Variants in PIP5K1B observed in about 807,000 individuals in gnomAD.
The protein encoded by PIP5K1B is phosphatidylinositol-4-phosphate 5-kinase type 1 beta.
In PIP5K1B, 42 loss-of-function variants were observed where a neutral mutation model predicts 67.0. The observed-to-expected ratio is 0.63, with a 90% confidence interval of 0.49 to 0.81. PIP5K1B has a LOEUF of 0.81. Among genes scored for constraint, PIP5K1B ranks in the 30% least tolerant of loss-of-function variants. The probability of loss-of-function intolerance (pLI) is 0.00; values close to 1 mark genes in which losing one functional copy is unlikely to be tolerated. For missense variants in PIP5K1B, 459 were observed against 646.3 expected, an observed-to-expected ratio of 0.71 and a Z score of 3.14; for synonymous variants, 214 against 231.4, an observed-to-expected ratio of 0.92 and a Z score of 0.68.
At chr9:68,878,571 T>A (rs1166861568) in intron 6 of PIP5K1B, among the ~76,000 whole-genome samples, 3 of 152,220 alleles carry the variant, frequency 2.0e-5, no homozygotes, top group Non-Finnish European at 2.9e-5. Flanking sequence ...GGTAAATTAA[T>A]CAATCAGTGG....
Position 68,837,312 on chromosome 9 carries a change from G to A in PIP5K1B, c.69+14629G>A, listed in dbSNP as rs115022364. 1.9e-3 allele frequency among the ~76,000 whole-genome samples: 291 copies of A among 152,250 alleles called. 1 individual carries two copies. Among genetic ancestry groups the A allele is most frequent in the African/African-American group, 6.0e-3 (250 of 41,550 alleles). Reference sequence around the variant, plus strand: ...TAAAAATGGTTATCCCATCTTAGACGTCCCCCCGCTAATTAGGGGAGCCCT... The same window carrying A: ...TAAAAATGGTTATCCCATCTTAGACATCCCCCCGCTAATTAGGGGAGCCCT... On this transcript the variant is annotated intron_variant, in intron 4 of 15. Coordinates refer to ENST00000265382, the MANE Select transcript of PIP5K1B (RefSeq NM_003558.4).
chr9:68,920,873 A>T (rs574881284), intron 11 of PIP5K1B, among the ~76,000 whole-genome samples: 1 of 152,078 alleles, frequency 6.6e-6, no homozygotes, highest in South Asian at 2.1e-4. Context: ...CCTGCTACTA[A>T]CAACATTTAT....
chr9:68,897,142 G>A (rs999946307), intron 8 of PIP5K1B, among the ~76,000 whole-genome samples: 11 of 152,200 alleles, frequency 7.2e-5, no homozygotes, highest in African/African-American at 2.7e-4. Flanking sequence ...AGTCTGAGCT[G>A]AGGCCAGCAC....
intron 2 of PIP5K1B, among the ~76,000 whole-genome samples, chr9:68,816,868 A>G (rs952323465): frequency 6.6e-6 from 1 of 152,224 alleles, no homozygotes; most frequent in African/African-American, 2.4e-5. Context: ...TTCATAATCC[A>G]TCTTCCAAAA....
intron 6 of PIP5K1B, among the ~76,000 whole-genome samples, chr9:68,887,493 A>G (rs1014293378): frequency 6.6e-6 from 1 of 152,224 alleles, no homozygotes; most frequent in Non-Finnish European, 1.5e-5. Context: ...TGGGTCATTC[A>G]TGGCCTTGGA....
At position 68,705,615 on chromosome 9, in the gene PIP5K1B, C is replaced by CCGG. The variant is rs1827086194; in HGVS notation, c.-389_-388insGGC. 1 of 145,328 alleles carries CCGG rather than the reference C, an allele frequency of 6.9e-6. No individual in the cohort carries two copies. The highest frequency in any genetic ancestry group is 1.5e-5 in the Non-Finnish European group (1 of 64,886). The allele number at this position is 145,328 out of a possible 1,614,324, so 9.0% of individuals were successfully genotyped here. A position where few individuals can be genotyped will look rare whatever the true frequency, so the allele number is the denominator to read the frequency against. Reference sequence around the variant, plus strand: ...CCGGCCCCGGCCCCGCCCGCCGCCCCCTCCGCCCTCCCGCCCCTCCCGCCC... The same window carrying CCGG: ...CCGGCCCCGGCCCCGCCCGCCGCCCCCGGCTCCGCCCTCCCGCCCCTCCCGCCC... On this transcript the variant is annotated 5_prime_UTR_variant, in exon 1 of 16. Coordinates refer to ENST00000265382, the MANE Select transcript of PIP5K1B (RefSeq NM_003558.4).
At position 68,824,144 on chromosome 9, in the gene PIP5K1B, A is replaced by G. The variant is rs765567730; in HGVS notation, c.69+1461A>G. 9.6e-6 allele frequency: 5 copies of G among 519,022 alleles called. No homozygotes were observed. The East Asian group carries it at 1.6e-4, about 17-fold the overall frequency. The allele number at this position is 519,022 out of a possible 1,614,324, so 32.2% of individuals were successfully genotyped here. ...GTCTCGTTTACCCAAGATTCCGTGT[A>G]CATTCATTCAAGCATGGACCAACAC... On this transcript the variant is annotated intron_variant, in intron 4 of 15. Transcript: ENST00000265382.
chr9:68,917,368 C>A (rs943309517), intron 8 of PIP5K1B, among the ~76,000 whole-genome samples, 180 bp from the exon 9 acceptor site: 1 of 152,178 alleles, frequency 6.6e-6, no homozygotes, highest in Non-Finnish European at 1.5e-5. Flanking sequence ...GATAATCCTT[C>A]CTGCATGTGG....
intron 15 of PIP5K1B, among the ~76,000 whole-genome samples, chr9:69,003,490 A>C (rs2133037459): frequency 6.9e-6 from 1 of 144,256 alleles, no homozygotes; most frequent in African/African-American, 2.6e-5. Context: ...GGGGGGGGAT[A>C]TCACCCCAAG....
intron 2 of PIP5K1B, among the ~76,000 whole-genome samples, chr9:68,795,175 G>A (rs1832221054): frequency 2.0e-5 from 3 of 152,100 alleles, no homozygotes; most frequent in Non-Finnish European, 2.9e-5. Context: ...GAGCGTGTGT[G>A]TGTGTGTGTT....
intron 4 of PIP5K1B, among the ~76,000 whole-genome samples, chr9:68,840,048 C>T (rs955557707): frequency 6.6e-6 from 1 of 152,180 alleles, no homozygotes; most frequent in Non-Finnish European, 1.5e-5. Flanking sequence ...TGAAAATGTT[C>T]GGGTGCCTCA....
chr9:68,928,141 A>G (rs934358465), intron 12 of PIP5K1B, among the ~76,000 whole-genome samples: 1 of 152,044 alleles, frequency 6.6e-6, no homozygotes, highest in Non-Finnish European at 1.5e-5. Context: ...TGACTCTCAC[A>G]TCTGTTCTAT....
At chr9:68,953,949 G>C (rs1051654722) in intron 14 of PIP5K1B, among the ~76,000 whole-genome samples, 2 of 151,878 alleles carry the variant, frequency 1.3e-5, no homozygotes, top group African/African-American at 4.8e-5. Context: ...AGGCCTGGCT[G>C]TCAGCCTTCT....
intron 14 of PIP5K1B, among the ~76,000 whole-genome samples, chr9:68,961,252 A>G (rs964075899): frequency 6.6e-5 from 10 of 151,578 alleles, no homozygotes; most frequent in African/African-American, 2.4e-4. Context: ...CCACAAATCT[A>G]TCAAGACAGA....
At chr9:68,857,158 C>G (rs919975823) in intron 4 of PIP5K1B, among the ~76,000 whole-genome samples, 2 of 152,176 alleles carry the variant, frequency 1.3e-5, no homozygotes, top group Non-Finnish European at 2.9e-5. Flanking sequence ...TCTGAAGGAA[C>G]GCAGCCTTGT....
chr9:68,714,004 G>T lies in PIP5K1B; in HGVS notation c.-243+8242G>T, dbSNP rs187005586. ...GGATGGCACAAAGGTTCTAGCCCTG[G>T]CTTTTCTGACTATGAAGCCCATACT... On this transcript the variant is annotated intron_variant, in intron 1 of 15. Coordinates refer to ENST00000265382, the MANE Select transcript of PIP5K1B (RefSeq NM_003558.4). 3.4e-3 allele frequency among the ~76,000 whole-genome samples: 525 copies of T among 152,314 alleles called. 3 individuals are homozygous for T. The highest frequency in any genetic ancestry group is 6.2e-3 in the Non-Finnish European group (424 of 68,030).
At chr9:68,857,744 G>T (rs1822850932) in intron 4 of PIP5K1B, among the ~76,000 whole-genome samples, 1 of 152,186 alleles carries the variant, frequency 6.6e-6, no homozygotes, top group Non-Finnish European at 1.5e-5. Flanking sequence ...GCATACACCT[G>T]AAGTCACAGC....
rs753783031 is a variant in PIP5K1B at position 68,991,396 on chromosome 9, A to G, written c.1620+139A>G. On this transcript the variant is annotated intron_variant, in intron 15 of 15. Coordinates refer to ENST00000265382, the MANE Select transcript of PIP5K1B (RefSeq NM_003558.4). The stretch of plus-strand genomic sequence containing the variant: ...ATGATGGCGCCCTTTCACTTCTGCA[A>G]ATGGTGCTTCTTTTCACAAGCAATG... The G allele has an allele frequency of 8.2e-6, 5 of 610,428 alleles. No individual in the cohort carries two copies. The Admixed American group carries it at 1.4e-4, about 18-fold the overall frequency. The allele number at this position is 610,428 out of a possible 1,614,324, so 37.8% of individuals were successfully genotyped here. A position where few individuals can be genotyped will look rare whatever the true frequency, so the allele number is the denominator to read the frequency against.
At chr9:68,769,961 G>A (rs1830602242) in intron 2 of PIP5K1B, among the ~76,000 whole-genome samples, 1 of 152,138 alleles carries the variant, frequency 6.6e-6, no homozygotes, top group African/African-American at 2.4e-5. Flanking sequence ...ACCTGCCTAC[G>A]GTGTGGCTCC....
Sources: gnomAD v4.1 joint callset for allele counts (sites outside exome capture counted in the v4.1 genomes callset) on GRCh38, gnomAD v4.1.1 for gene constraint, MANE v1.5 for transcripts, NCBI Gene and HGNC (gene_info 2026-07-23, HGNC 2026-07-21) for gene names.